The following TRABD2A variants were observed in gnomAD, a reference collection of about 807,000 sequenced individuals.
TRABD2A encodes TraB domain containing 2A.
A neutral mutation model predicts 45.6 loss-of-function variants in TRABD2A; 43 were observed. The ratio of observed to expected loss-of-function variants is 0.94; its 90% CI spans 0.74 to 1.22. TRABD2A has a LOEUF of 1.22. Among genes scored for constraint, TRABD2A ranks in the 50% most tolerant of loss-of-function variants. The probability of loss-of-function intolerance (pLI) is 0.00; values close to 1 mark genes in which losing one functional copy is unlikely to be tolerated. For synonymous variants in TRABD2A, 269 were observed against 265.0 expected (o/e 1.02, Z -0.15); for missense variants, 642 against 652.4 (o/e 0.98, Z 0.17).
At position 84,841,882 on chromosome 2, in the gene TRABD2A, G is replaced by A. The variant is rs1209002815; in HGVS notation, c.795C>T (p.Ile265=). 9.7e-6 allele frequency: 15 copies of A among 1,542,286 alleles called. No homozygotes were observed. Among genetic ancestry groups the A allele is most frequent in the Non-Finnish European group, 1.2e-5 (14 of 1,143,868 alleles). Residue 265 remains isoleucine (I), a synonymous_variant, in exon 3 of 7, where the codon ATC becomes ATT. Coordinates refer to ENST00000409520, the MANE Select transcript of TRABD2A (RefSeq NM_001277053.2). ...TCACCTGGGAGCTGTCATGGCTGAGGATGACGGAGCTGAGGTCCCCGCAGT... is the reference window on the plus strand; with the variant it reads ...TCACCTGGGAGCTGTCATGGCTGAGAATGACGGAGCTGAGGTCCCCGCAGT... The part of the protein sequence containing the change: ...HYNCGDLSSV[I]LSHDSSQVPN...
At chr2:84,872,368 G>C (rs1682894633) in intron 1 of TRABD2A, among the ~76,000 whole-genome samples, 1 of 152,082 alleles carries the variant, frequency 6.6e-6, no homozygotes, top group Non-Finnish European at 1.5e-5. Flanking sequence ...AATTAGTCGG[G>C]CATGGTGGTG....
intron 4 of TRABD2A, chr2:84,838,244 G>T (rs1230413673): frequency 5.6e-6 from 4 of 717,398 alleles, no homozygotes; most frequent in Non-Finnish European, 1.0e-5. Context: ...CTGTGAAGCT[G>T]GGAAAAGGGA....
chr2:84,842,090 C>A, intron 2 of TRABD2A, 83 bp from the exon 3 acceptor site: 1 of 1,376,740 alleles, frequency 7.3e-7, no homozygotes, highest in Non-Finnish European at 9.5e-7. Flanking sequence ...GCTGGAAATA[C>A]CTTCACCTTT....
At chr2:84,832,257 T>C in intron 4 of TRABD2A, 112 bp from the exon 5 acceptor site, 1 of 1,078,800 alleles carries the variant, frequency 9.3e-7, no homozygotes, top group Non-Finnish European at 1.4e-6. Flanking sequence ...CCTGCCTATC[T>C]GTCCAGCACA....
intron 2 of TRABD2A, among the ~76,000 whole-genome samples, chr2:84,856,095 T>C (rs1385471711): frequency 6.6e-6 from 1 of 152,172 alleles, no homozygotes; most frequent in Non-Finnish European, 1.5e-5. Context: ...TGTCTTCTTT[T>C]TATCTTAGTT....
chr2:84,840,737 A>G (rs552298012), intron 3 of TRABD2A, among the ~76,000 whole-genome samples: 31 of 152,166 alleles, frequency 2.0e-4, no homozygotes, highest in Non-Finnish European at 3.7e-4. Context: ...TGCAGGTAAG[A>G]TTTATCACCA....
chr2:84,867,737 A>C (rs986258620), intron 2 of TRABD2A, among the ~76,000 whole-genome samples: 19 of 152,252 alleles, frequency 1.2e-4, no homozygotes, highest in African/African-American at 4.6e-4. Flanking sequence ...ACAAATTTAC[A>C]AGAAAAAAAC....
At chr2:84,857,541 A>G (rs1416283113) in intron 2 of TRABD2A, among the ~76,000 whole-genome samples, 1 of 152,218 alleles carries the variant, frequency 6.6e-6, no homozygotes, top group Non-Finnish European at 1.5e-5. Context: ...ATGATTATCA[A>G]CTATATCAGT....
intron 1 of TRABD2A, among the ~76,000 whole-genome samples, chr2:84,874,055 G>A (rs1682952070): frequency 6.6e-6 from 1 of 152,174 alleles, no homozygotes; most frequent in Admixed American, 6.5e-5. Context: ...GTTCGTTTTG[G>A]TTTGGTTTTG....
chr2:84,832,103 C>A lies in TRABD2A; in HGVS notation c.1034G>T (p.Arg345Leu). The A allele has an allele frequency of 6.2e-7, 1 of 1,613,980 alleles. No individual in the cohort carries two copies. The highest frequency in any genetic ancestry group is 2.2e-5 in the East Asian group (1 of 44,882). The change falls in exon 5 of 7, where the codon CGT (arginine) becomes CTT (leucine). Residue 345 changes from arginine (R) to leucine (L), a missense_variant. Coordinates refer to ENST00000409520, the MANE Select transcript of TRABD2A (RefSeq NM_001277053.2). Reference sequence around the variant, plus strand: ...GGCGTGTTCTACCTCATAGCCTTCACGCCGCAAAACATCCAGCACTGTGTT... The same window carrying A: ...GGCGTGTTCTACCTCATAGCCTTCAAGCCGCAAAACATCCAGCACTGTGTT... ...GNNTVLDVLR[R>L]EGYEVEHAPA...
chr2:84,834,380 A>G (rs1037046805), intron 4 of TRABD2A: 1 of 152,246 alleles, frequency 6.6e-6, no homozygotes, highest in African/African-American at 2.4e-5. Context: ...TTCAATGAGC[A>G]TAATGTGGGA....
chr2:84,865,888 A>G (rs965613932), intron 2 of TRABD2A, among the ~76,000 whole-genome samples: 2 of 152,264 alleles, frequency 1.3e-5, no homozygotes, highest in Non-Finnish European at 2.9e-5. Flanking sequence ...CTGAGCCTCC[A>G]GGTCCAAGCT....
Position 84,870,646 on chromosome 2 carries a change from A to G in TRABD2A, c.248T>C (p.Ile83Thr), listed in dbSNP as rs1682846381. The G allele has an allele frequency of 6.2e-7, 1 of 1,612,072 alleles. No individual in the cohort carries two copies. Among genetic ancestry groups the G allele is most frequent in the African/African-American group, 1.3e-5 (1 of 74,888 alleles). The part of the protein sequence containing the change: ...NSKEAFLQSS[I>T]VYFELDLTDP... ...TGTGAGATCCAACTCAAAGTACACA[A>G]TGCTGCTCTGCAGGAAAGCCTCCTT... is the stretch of plus-strand genomic sequence containing the variant. Residue 83 changes from isoleucine (I) to threonine (T), a missense_variant, in exon 2 of 7, where the codon ATT becomes ACT. Transcript: ENST00000409520.
chr2:84,863,303 G>A (rs1280513820), intron 2 of TRABD2A, among the ~76,000 whole-genome samples: 1 of 137,550 alleles, frequency 7.3e-6, no homozygotes, highest in Non-Finnish European at 1.5e-5. Context: ...GGAGTGCAGT[G>A]GCGCAATCTC....
chr2:84,839,509 A>G (rs1259681660), intron 3 of TRABD2A, among the ~76,000 whole-genome samples, 186 bp from the exon 4 acceptor site: 1 of 152,132 alleles, frequency 6.6e-6, no homozygotes, highest in African/African-American at 2.4e-5. Flanking sequence ...CCAAAGTGAA[A>G]AAAATATTAA....
chr2:84,840,258 A>G (rs1323507149), intron 3 of TRABD2A, among the ~76,000 whole-genome samples: 1 of 152,158 alleles, frequency 6.6e-6, no homozygotes, highest in East Asian at 1.9e-4. Flanking sequence ...TCAAATCGAC[A>G]GCCTTCATCT....
In TRABD2A at chr2:84,839,132, G is replaced by C. The variant is rs1352731386; in HGVS notation, c.991+17C>G. ...CCTCAGATTTCAGAGGCTAATCAGA[G>C]GTGACCCACTACTCACCAGCTCCAA... On this transcript the variant is annotated intron_variant, in intron 4 of 6. Coordinates refer to ENST00000409520, the MANE Select transcript of TRABD2A (RefSeq NM_001277053.2). The C allele has an allele frequency of 6.2e-7, 1 of 1,613,572 alleles. No individual in the cohort carries two copies. Among genetic ancestry groups the C allele is most frequent in the South Asian group, 1.1e-5 (1 of 91,054 alleles).
chr2:84,869,764 G>A (rs1040078405), intron 2 of TRABD2A, among the ~76,000 whole-genome samples: 2 of 130,394 alleles, frequency 1.5e-5, no homozygotes, highest in African/African-American at 6.0e-5. Flanking sequence ...CAGATCACTT[G>A]AGGTCAGGAG....
chr2:84,841,134 T>C (rs1681697013), intron 3 of TRABD2A, among the ~76,000 whole-genome samples: 1 of 152,222 alleles, frequency 6.6e-6, no homozygotes, highest in Non-Finnish European at 1.5e-5. Flanking sequence ...GAAGTTTAGC[T>C]GGTGTTTGCT....
Sources: allele counts gnomAD v4.1 joint callset (sites outside exome capture counted in the v4.1 genomes callset), GRCh38; gene constraint gnomAD v4.1.1; transcripts MANE v1.5; gene names NCBI Gene and HGNC (gene_info 2026-07-23, HGNC 2026-07-21).